The following ITPK1 variants were observed in gnomAD, a reference collection of about 807,000 sequenced individuals.
ITPK1 encodes inositol-tetrakisphosphate 1-kinase.
A neutral mutation model predicts 45.3 loss-of-function variants in ITPK1; 21 were observed. That is an observed-to-expected ratio of 0.46 (90% CI 0.33 to 0.67). The LOEUF is 0.67. Ranked by LOEUF, ITPK1 falls within the 30% of genes least tolerant of loss-of-function variation. The pLI is 0.02. For synonymous variants in ITPK1, 258 were observed against 253.6 expected (o/e 1.02, Z -0.16); for missense variants, 474 against 573.5 (o/e 0.83, Z 1.77).
In ITPK1 at chr14:93,076,744, G is replaced by A. The variant is rs573406580; in HGVS notation, c.96-125C>T. ...GTTTCAGGAGGGAGCCGGCAGCTGC[G>A]CCTCTCCTGCTACTGTCCCAGAACA... On this transcript the variant is annotated intron_variant, in intron 2 of 10. Coordinates refer to ENST00000267615, the MANE Select transcript of ITPK1 (RefSeq NM_014216.6). The surrounding 1 kb of genome is among the most constrained non-coding windows in gnomAD (Gnocchi z 4.3). 277 of 1,061,524 alleles carry A rather than the reference G, an allele frequency of 2.6e-4. 4 individuals carry two copies. The South Asian group carries it at 3.2e-3, about 12-fold the overall frequency. 65.8% of individuals were successfully genotyped at this position (1,061,524 alleles called of 1,614,324 possible). A position where few individuals can be genotyped will look rare whatever the true frequency, so the allele number is the denominator to read the frequency against.
chr14:92,973,832 C>T (rs1289105723), intron 5 of ITPK1, among the ~76,000 whole-genome samples: 4 of 152,194 alleles, frequency 2.6e-5, no homozygotes, highest in Admixed American at 6.5e-5. Context: ...CAGAGGTGGT[C>T]CCAATCTGAA....
chr14:93,026,676 T>C (rs1318568041), intron 3 of ITPK1, among the ~76,000 whole-genome samples: 1 of 152,216 alleles, frequency 6.6e-6, no homozygotes, highest in Non-Finnish European at 1.5e-5. Flanking sequence ...GCTGCACTGT[T>C]TGTAATCGCC....
At chr14:93,097,880 G>T (rs2140017076) in intron 2 of ITPK1, among the ~76,000 whole-genome samples, 1 of 151,996 alleles carries the variant, frequency 6.6e-6, no homozygotes, top group East Asian at 1.9e-4. Flanking sequence ...ATGGTGGCAG[G>T]TGCCTGTAAT....
intron 7 of ITPK1, among the ~76,000 whole-genome samples, chr14:92,961,025 G>A (rs1164013803): frequency 6.6e-6 from 1 of 152,274 alleles, no homozygotes; most frequent in East Asian, 1.9e-4. Context: ...TACTTCCCCG[G>A]AAGTGCAGGC....
At chr14:93,101,657 T>C (rs1299194896) in intron 2 of ITPK1, among the ~76,000 whole-genome samples, 1 of 152,204 alleles carries the variant, frequency 6.6e-6, no homozygotes, top group African/African-American at 2.4e-5. Context: ...GAGACCAGCC[T>C]GGCCAATGTG....
intron 3 of ITPK1, among the ~76,000 whole-genome samples, chr14:93,018,979 T>C (rs1447164087): frequency 6.6e-6 from 1 of 152,302 alleles, no homozygotes; most frequent in East Asian, 1.9e-4. Context: ...CTTTGATGGC[T>C]CTCTTCACAG....
intron 7 of ITPK1, among the ~76,000 whole-genome samples, chr14:92,959,609 G>C (rs573018023): frequency 9.2e-5 from 14 of 152,284 alleles, no homozygotes; most frequent in Admixed American, 2.6e-4. Flanking sequence ...TGCTGTGTGA[G>C]CCGAGGCTGG....
At position 93,076,735 on chromosome 14, in the gene ITPK1, G is replaced by A. The variant is rs979090262; in HGVS notation, c.96-116C>T. On this transcript the variant is annotated intron_variant, in intron 2 of 10. Transcript: ENST00000267615. The surrounding 1 kb of genome is among the most constrained non-coding windows in gnomAD (Gnocchi z 4.3). Reference sequence around the variant, plus strand: ...CATGAGAGGGTTTCAGGAGGGAGCCGGCAGCTGCGCCTCTCCTGCTACTGT... The same window carrying A: ...CATGAGAGGGTTTCAGGAGGGAGCCAGCAGCTGCGCCTCTCCTGCTACTGT... The A allele has an allele frequency of 1.1e-5, 13 of 1,218,468 alleles. No individual in the cohort carries two copies. The Middle Eastern group carries it at 9.9e-4, about 93-fold the overall frequency. The allele number at this position is 1,218,468 out of a possible 1,614,324, so 75.5% of individuals were successfully genotyped here.
chr14:93,111,033 T>TCATCCCTC (rs1033968365), intron 2 of ITPK1, among the ~76,000 whole-genome samples: 6 of 151,720 alleles, frequency 4.0e-5, no homozygotes, highest in East Asian at 1.9e-4. Flanking sequence ...CCTCCATCCC[T>TCATCCCTC]CATCCCTCCA....
At chr14:93,081,263 G>T (rs1055817054) in intron 2 of ITPK1, among the ~76,000 whole-genome samples, 3 of 151,954 alleles carry the variant, frequency 2.0e-5, no homozygotes, top group African/African-American at 4.8e-5. Flanking sequence ...TAACCCAGGA[G>T]GCGGGGGTTG....
At chr14:93,028,178 C>G (rs1888842855) in intron 3 of ITPK1, among the ~76,000 whole-genome samples, 1 of 152,372 alleles carries the variant, frequency 6.6e-6, no homozygotes, top group East Asian at 1.9e-4. Context: ...CCAGGCCAAG[C>G]TAGTTCAAGT....
intron 3 of ITPK1, among the ~76,000 whole-genome samples, chr14:93,030,917 G>A (rs1056000563): frequency 6.6e-6 from 1 of 152,184 alleles, no homozygotes; most frequent in Non-Finnish European, 1.5e-5. Context: ...ACATCGTGAG[G>A]AGATGAAGGC....
At chr14:92,947,028 G>A (rs1462497544) in intron 9 of ITPK1, among the ~76,000 whole-genome samples, 2 of 152,210 alleles carry the variant, frequency 1.3e-5, no homozygotes, top group African/African-American at 4.8e-5. Flanking sequence ...AGGTGCTGAG[G>A]CCAGCAGCTG....
chr14:93,074,107 T>C (rs1329243636), intron 3 of ITPK1, among the ~76,000 whole-genome samples: 3 of 152,294 alleles, frequency 2.0e-5, no homozygotes, highest in African/African-American at 7.2e-5. Context: ...TCTTTCTCAA[T>C]GTCTTAAAAT....
intron 5 of ITPK1, among the ~76,000 whole-genome samples, chr14:92,982,412 C>T (rs543688270): frequency 2.2e-4 from 33 of 152,214 alleles, no homozygotes; most frequent in African/African-American, 5.3e-4. Flanking sequence ...CAGCTGTGGC[C>T]GCCTTGCAAG....
intron 2 of ITPK1, among the ~76,000 whole-genome samples, chr14:93,093,366 C>T (rs1486016108): frequency 6.6e-6 from 1 of 152,210 alleles, no homozygotes; most frequent in East Asian, 1.9e-4. Flanking sequence ...TGCACTAGTC[C>T]TCAAGCCGCC....
In ITPK1 at chr14:92,939,815, G is replaced by C. The variant is rs74074511; in HGVS notation, c.*1746C>G. 1 of 985,450 alleles carries C rather than the reference G, an allele frequency of 1.0e-6. No homozygotes were observed. Among genetic ancestry groups the C allele is most frequent in the Non-Finnish European group, 1.2e-6 (1 of 829,828 alleles). 61.0% of individuals were successfully genotyped at this position (985,450 alleles called of 1,614,324 possible). A position where few individuals can be genotyped will look rare whatever the true frequency, so the allele number is the denominator to read the frequency against. On this transcript the variant is annotated 3_prime_UTR_variant, in exon 11 of 11. Coordinates refer to ENST00000267615, the MANE Select transcript of ITPK1 (RefSeq NM_014216.6). ...TTATTAAACGTCTTTTAAGGACTGGGAGTATGACATAACAAACTTGAGCAA... is the reference window on the plus strand; with the variant it reads ...TTATTAAACGTCTTTTAAGGACTGGCAGTATGACATAACAAACTTGAGCAA...
chr14:93,064,206 G>A (rs749398437), intron 3 of ITPK1, among the ~76,000 whole-genome samples: 12 of 151,990 alleles, frequency 7.9e-5, no homozygotes, highest in South Asian at 2.1e-4. Context: ...TGGCGTGAAC[G>A]TGGGAGGCAG....
chr14:92,943,251 G>A (rs1566684435), intron 10 of ITPK1, among the ~76,000 whole-genome samples: 1 of 152,224 alleles, frequency 6.6e-6, no homozygotes, highest in East Asian at 1.9e-4. Flanking sequence ...CAGTGATGAC[G>A]TCCATGGCGT....
Sources: gnomAD v4.1 joint callset for allele counts (sites outside exome capture counted in the v4.1 genomes callset) on GRCh38, gnomAD v4.1.1 for gene constraint, Gnocchi (gnomAD v3.1) non-coding constraint, MANE v1.5 for transcripts, NCBI Gene and HGNC (gene_info 2026-07-23, HGNC 2026-07-21) for gene names.